DUSP14: variants seen among roughly 807,000 people sequenced by gnomAD.
The protein encoded by DUSP14 is dual specificity protein phosphatase 14.
DUSP14 carries 5 observed loss-of-function variants against 13.2 expected under a neutral mutation model. The observed-to-expected ratio is 0.38, with a 90% CI of 0.20 to 0.80. The LOEUF (loss-of-function observed/expected upper bound fraction) is 0.80, where lower values mean the gene tolerates loss of function less well. Among genes scored for constraint, DUSP14 ranks in the 30% least tolerant of loss-of-function variants. DUSP14 has a pLI of 0.44. For missense variants in DUSP14, 185 were observed against 264.0 expected (o/e 0.70, Z 2.07); for synonymous variants, 91 against 103.4 (o/e 0.88, Z 0.73).
intron 1 of DUSP14, among the ~76,000 whole-genome samples, chr17:37,509,283 A>AG (rs1312494375): frequency 5.3e-3 from 156 of 29,356 alleles, no homozygotes; most frequent in Middle Eastern, 0.031. Context: ...ATATATATAT[A>AG]TATATATATA....
chr17:37,510,581 C>T (rs142427647), intron 1 of DUSP14, 96 bp from the exon 2 acceptor site: 1 of 152,202 alleles, frequency 6.6e-6, no homozygotes, highest in Non-Finnish European at 1.5e-5. Flanking sequence ...CTTCCTGGCT[C>T]TATTTCAGTC....
chr17:37,493,083 C>G (rs982953483), intron 1 of DUSP14, among the ~76,000 whole-genome samples: 1 of 151,966 alleles, frequency 6.6e-6, no homozygotes, highest in Non-Finnish European at 1.5e-5. Flanking sequence ...CTGCAGCATG[C>G]TATTTTAAAA....
rs2054204269 is a variant in DUSP14 at position 37,512,962 on chromosome 17, T to C, written c.*93T>C. Reference sequence around the variant, plus strand: ...CCACTCTCTTCTCAAATGGCTGACTTCTGGTTCTCCCTCAAGTGTTTTTTA... The same window carrying C: ...CCACTCTCTTCTCAAATGGCTGACTCCTGGTTCTCCCTCAAGTGTTTTTTA... On this transcript the variant is annotated 3_prime_UTR_variant, in exon 3 of 3. Transcript: ENST00000617516. The surrounding 1 kb of genome is among the most constrained non-coding windows in gnomAD (Gnocchi z 4.8). 2.7e-6 allele frequency: 3 copies of C among 1,098,628 alleles called. No homozygotes were observed. The highest frequency in any genetic ancestry group is 4.0e-6 in the Non-Finnish European group (3 of 755,032). The allele number at this position is 1,098,628 out of a possible 1,614,324, so 68.1% of individuals were successfully genotyped here. A position where few individuals can be genotyped will look rare whatever the true frequency, so the allele number is the denominator to read the frequency against.
chr17:37,494,178 A>G (rs1432834417), intron 1 of DUSP14, among the ~76,000 whole-genome samples: 1 of 151,992 alleles, frequency 6.6e-6, no homozygotes, highest in African/African-American at 2.4e-5. Context: ...TATTTTTAGT[A>G]GAGACGGGGT....
chr17:37,509,772 G>A (rs1233832968), intron 1 of DUSP14: 1 of 152,092 alleles, frequency 6.6e-6, no homozygotes, highest in Non-Finnish European at 1.5e-5. Flanking sequence ...AGGAAATTTT[G>A]AGGGGGATGA....
chr17:37,511,941 T>G (rs1338932493), intron 2 of DUSP14, among the ~76,000 whole-genome samples: 2 of 117,334 alleles, frequency 1.7e-5, no homozygotes, highest in East Asian at 2.4e-4. Context: ...CACCCCACTT[T>G]TTTTTTTTTT....
At position 37,512,782 on chromosome 17, in the gene DUSP14, A is replaced by G; in HGVS notation, c.510A>G (p.Thr170=). Reference sequence around the variant, plus strand: ...AGCGCCAGCTCTTTGGGAAGTCGACAGTTAAAATGGTACAGACACCTTATG... The same window carrying G: ...AGCGCCAGCTCTTTGGGAAGTCGACGGTTAAAATGGTACAGACACCTTATG... ...DYERQLFGKS[T]VKMVQTPYGI... is the part of the protein sequence containing the mutation. The change falls in exon 3 of 3, where the codon ACA becomes ACG. Residue 170 remains threonine (T), a synonymous_variant. Coordinates refer to ENST00000617516, the MANE Select transcript of DUSP14 (RefSeq NM_007026.4). This position sits in a 1 kb window ranked among gnomAD's most constrained non-coding sequence, Gnocchi z 4.8. 18 of 1,613,870 alleles carry G rather than the reference A, an allele frequency of 1.1e-5. No individual in the cohort carries two copies. The highest frequency in any genetic ancestry group is 1.4e-5 in the Non-Finnish European group (17 of 1,180,046).
At chr17:37,504,214 GA>G (rs2054123079) in intron 1 of DUSP14, among the ~76,000 whole-genome samples, 1 of 152,038 alleles carries the variant, frequency 6.6e-6, no homozygotes, top group Non-Finnish European at 1.5e-5. Flanking sequence ...AAAAACCAAT[GA>G]TCGGCTTCTC....
intron 1 of DUSP14, among the ~76,000 whole-genome samples, chr17:37,507,336 A>G (rs1414178143): frequency 6.6e-6 from 1 of 152,142 alleles, no homozygotes; most frequent in East Asian, 1.9e-4. Flanking sequence ...AGGGCTCACA[A>G]TCTGTTTTCC....
rs563940302 is a variant in DUSP14 at position 37,511,250 on chromosome 17, C to T, written c.-93+486C>T. Among the ~76,000 whole-genome samples, 215 of 152,218 alleles carry T rather than the reference C, an allele frequency of 1.4e-3. 1 individual carries two copies. Among genetic ancestry groups the T allele is most frequent in the Non-Finnish European group, 2.7e-3 (182 of 68,006 alleles). ...TTCCATGGAAATGCTACTGTGTTTA[C>T]ATTGTCACGAAATGATAGGAAATAG... On this transcript the variant is annotated intron_variant, in intron 2 of 2. Transcript: ENST00000617516.
At chr17:37,501,584 C>T (rs561038280) in intron 1 of DUSP14, among the ~76,000 whole-genome samples, 66 of 152,104 alleles carry the variant, frequency 4.3e-4, no homozygotes, top group African/African-American at 1.4e-3. Flanking sequence ...GGAGCAATCT[C>T]GGCTCACTGC....
At chr17:37,505,782 C>T (rs2054133935) in intron 1 of DUSP14, among the ~76,000 whole-genome samples, 2 of 152,058 alleles carry the variant, frequency 1.3e-5, no homozygotes, top group South Asian at 4.1e-4. Context: ...GACCACAAGG[C>T]TACAAGGCTG....
intron 1 of DUSP14, among the ~76,000 whole-genome samples, chr17:37,501,777 A>C (rs991333884): frequency 6.6e-6 from 1 of 152,182 alleles, no homozygotes; most frequent in Non-Finnish European, 1.5e-5. Context: ...TCGGCCTTCC[A>C]AAGTGCTGGG....
upstream of DUSP14, among the ~76,000 whole-genome samples, chr17:37,488,729 T>C (rs547825896): frequency 6.6e-6 from 1 of 152,336 alleles, no homozygotes; most frequent in East Asian, 1.9e-4. Context: ...CACTAACTTT[T>C]AGATAGTCCA....
chr17:37,490,700 A>AT (rs397709024), intron 1 of DUSP14, among the ~76,000 whole-genome samples: 36,780 of 148,684 alleles, frequency 0.25, 4,480 homozygotes, highest in Admixed American at 0.34. Context: ...CCATGCAGAG[A>AT]TTTTTTTTTT....
In DUSP14 at chr17:37,511,612, G is replaced by T. The variant is rs1206651868; in HGVS notation, c.-92-569G>T. 8.0e-5 allele frequency among the ~76,000 whole-genome samples: 3 copies of T among 37,512 alleles called. No individual in the cohort carries two copies. In the East Asian group the frequency reaches 6.9e-3, roughly 86 times the overall value. 24.6% of individuals were successfully genotyped at this position (37,512 alleles called of 152,430 possible). The stretch of plus-strand genomic sequence containing the variant: ...TTTTTTTTTTTTTTTTTAGAAGCTG[G>T]GTCTCCCTGTTGCCCAGGTTGCAGT... On this transcript the variant is annotated intron_variant, in intron 2 of 2. Coordinates refer to ENST00000617516, the MANE Select transcript of DUSP14 (RefSeq NM_007026.4).
At position 37,513,059 on chromosome 17, in the gene DUSP14, C is replaced by T. The variant is rs889428081; in HGVS notation, c.*190C>T. ...TAAAGGGAATGCATACATTGCTAGTCACATTTTTAAAATTAACATTTTGGA... is the reference window on the plus strand; with the variant it reads ...TAAAGGGAATGCATACATTGCTAGTTACATTTTTAAAATTAACATTTTGGA... On this transcript the variant is annotated 3_prime_UTR_variant, in exon 3 of 3. Coordinates refer to ENST00000617516, the MANE Select transcript of DUSP14 (RefSeq NM_007026.4). 1.6e-5 allele frequency: 9 copies of T among 557,912 alleles called. No individual in the cohort carries two copies. The highest frequency in any genetic ancestry group is 2.9e-5 in the Non-Finnish European group (9 of 309,516). The allele number at this position is 557,912 out of a possible 1,614,324, so 34.6% of individuals were successfully genotyped here.
intron 1 of DUSP14, among the ~76,000 whole-genome samples, chr17:37,495,948 G>A (rs1179578953): frequency 5.9e-5 from 9 of 152,034 alleles, no homozygotes; most frequent in African/African-American, 1.7e-4. Flanking sequence ...ATGAGCCACC[G>A]CGCCCAGCCT....
intron 1 of DUSP14, among the ~76,000 whole-genome samples, chr17:37,507,889 A>G (rs1463516840): frequency 2.6e-5 from 4 of 152,238 alleles, no homozygotes; most frequent in African/African-American, 9.6e-5. Flanking sequence ...TTTTTAAACC[A>G]GTAGGATTCT....
Sources: gnomAD v4.1 joint callset for allele counts (sites outside exome capture counted in the v4.1 genomes callset) on GRCh38, gnomAD v4.1.1 for gene constraint, Gnocchi (gnomAD v3.1) non-coding constraint, MANE v1.5 for transcripts, NCBI Gene and HGNC (gene_info 2026-07-23, HGNC 2026-07-21) for gene names.